Variants in UNC79 observed in about 807,000 individuals in gnomAD.
The protein encoded by UNC79 is unc-79 subunit of NALCN channel complex.
A neutral mutation model predicts 283.1 loss-of-function variants in UNC79; 37 were observed. The observed-to-expected ratio is 0.13, with a 90% confidence interval of 0.10 to 0.17. The LOEUF is 0.17. UNC79 is among the 10% of genes least tolerant of loss of function. The probability of loss-of-function intolerance (pLI) is 1.00; values close to 1 mark genes in which losing one functional copy is unlikely to be tolerated. For synonymous variants in UNC79, 1,107 were observed against 1,200.2 expected, an observed-to-expected ratio of 0.92 and a Z score of 1.61; for missense variants, 2,272 against 3,211.1, an observed-to-expected ratio of 0.71 and a Z score of 7.07.
chr14:93,382,450 T>C (rs1383722098), intron 1 of UNC79, among the ~76,000 whole-genome samples: 2 of 152,190 alleles, frequency 1.3e-5, no homozygotes, highest in Non-Finnish European at 2.9e-5. Flanking sequence ...TGTGTATATA[T>C]TCCAGAGGAA....
chr14:93,341,901 A>G (rs936310076), intron 1 of UNC79, among the ~76,000 whole-genome samples: 21 of 152,172 alleles, frequency 1.4e-4, no homozygotes, highest in Admixed American at 1.2e-3. Context: ...TGGGTTCCCA[A>G]GGCCTTGGGC....
chr14:93,365,206 T>C (rs2054303864), intron 1 of UNC79, among the ~76,000 whole-genome samples: 1 of 151,936 alleles, frequency 6.6e-6, no homozygotes, highest in African/African-American at 2.4e-5. Flanking sequence ...GCCAACATGG[T>C]GAAACCCTGT....
At chr14:93,348,194 A>G (rs2053908236) in intron 1 of UNC79, 4 of 880,528 alleles carry the variant, frequency 4.5e-6, no homozygotes, top group Non-Finnish European at 7.7e-6. Flanking sequence ...TTAACGAGCA[A>G]AATTGCCTAG....
chr14:93,378,415 G>A (rs565521209), intron 1 of UNC79, among the ~76,000 whole-genome samples: 1 of 152,300 alleles, frequency 6.6e-6, no homozygotes, highest in East Asian at 1.9e-4. Flanking sequence ...GAATGATACA[G>A]CCTTGTTAGT....
At chr14:93,516,011 T>G (rs1414276519) in intron 7 of UNC79, among the ~76,000 whole-genome samples, 1 of 152,142 alleles carries the variant, frequency 6.6e-6, no homozygotes, top group Admixed American at 6.5e-5. Context: ...GGAATCAATT[T>G]TAGTATATAG....
At chr14:93,697,459 A>G (rs1475591205) in intron 47 of UNC79, among the ~76,000 whole-genome samples, 1 of 152,152 alleles carries the variant, frequency 6.6e-6, no homozygotes, top group Non-Finnish European at 1.5e-5. Flanking sequence ...TTTTTATAAC[A>G]CACTGTCTGC....
Position 93,622,676 on chromosome 14 carries a change from C to G in UNC79, c.5443C>G (p.Pro1815Ala), listed in dbSNP as rs765027394. Residue 1815 changes from proline to alanine, a missense_variant, in exon 30 of 49, where the codon CCT (proline) becomes GCT (alanine). This residue lies in a region of UNC79 where 580 missense variants were observed against 632.2 expected (regional missense o/e 0.92). Transcript: ENST00000555664. The stretch of plus-strand genomic sequence containing the variant: ...TGCAGAATCTGATACAGAACAGAAT[C>G]CTGAAAGGAAGGTGGAAGAGGATGG... The G allele has an allele frequency of 9.9e-6, 16 of 1,613,976 alleles. No homozygotes were observed. In the Admixed American group the frequency reaches 2.5e-4, roughly 25 times the overall value.
At chr14:93,571,443 A>G (rs1189598191) in intron 14 of UNC79, among the ~76,000 whole-genome samples, 1 of 152,204 alleles carries the variant, frequency 6.6e-6, no homozygotes, top group Non-Finnish European at 1.5e-5. Flanking sequence ...ACTGTGTACT[A>G]CCGTATTTCC....
intron 3 of UNC79, among the ~76,000 whole-genome samples, chr14:93,476,780 G>A (rs569821642): frequency 1.3e-5 from 2 of 152,262 alleles, no homozygotes; most frequent in South Asian, 4.1e-4. Context: ...GCATTCTAAA[G>A]CTAAATAGTT....
chr14:93,507,245 C>T, intron 7 of UNC79, among the ~76,000 whole-genome samples: 1 of 152,074 alleles, frequency 6.6e-6, no homozygotes, highest in Non-Finnish European at 1.5e-5. Context: ...GCATTTATTT[C>T]TCTTGGGTAT....
At chr14:93,582,817 G>A (rs2063913322) in intron 20 of UNC79, among the ~76,000 whole-genome samples, 2 of 152,124 alleles carry the variant, frequency 1.3e-5, no homozygotes, top group African/African-American at 4.8e-5. Flanking sequence ...GGACGCAATG[G>A]GGGCAGTGAG....
At chr14:93,555,406 T>C (rs1322832105) in intron 14 of UNC79, among the ~76,000 whole-genome samples, 1 of 152,140 alleles carries the variant, frequency 6.6e-6, no homozygotes, top group Non-Finnish European at 1.5e-5. Context: ...TCTTCCTTTT[T>C]TTTAAATTAA....
At chr14:93,706,034 C>T (rs935910395) in intron 48 of UNC79, among the ~76,000 whole-genome samples, 5 of 152,204 alleles carry the variant, frequency 3.3e-5, no homozygotes, top group Non-Finnish European at 5.9e-5. Context: ...GTTTCTTGCA[C>T]TCTCAGCTTG....
intron 1 of UNC79, among the ~76,000 whole-genome samples, chr14:93,373,858 C>T (rs368522176): frequency 1.5e-4 from 23 of 152,236 alleles, no homozygotes; most frequent in South Asian, 1.5e-3. Context: ...AACTGCAACA[C>T]GATATTAGTA....
At chr14:93,612,396 A>G (rs2066377874) in intron 26 of UNC79, among the ~76,000 whole-genome samples, 1 of 152,216 alleles carries the variant, frequency 6.6e-6, no homozygotes, top group South Asian at 2.1e-4. Context: ...AACGTTTTGT[A>G]GTTATTCTTA....
At chr14:93,491,310 T>A (rs2058712536) in intron 5 of UNC79, among the ~76,000 whole-genome samples, 1 of 151,842 alleles carries the variant, frequency 6.6e-6, no homozygotes, top group African/African-American at 2.4e-5. Flanking sequence ...ATAATTAAAA[T>A]ATATATATGG....
At chr14:93,472,791 A>G (rs1219558336) in intron 2 of UNC79, among the ~76,000 whole-genome samples, 1 of 152,138 alleles carries the variant, frequency 6.6e-6, no homozygotes, top group Non-Finnish European at 1.5e-5. Context: ...TTTGATGCAC[A>G]TAGAGCAACT....
intron 5 of UNC79, among the ~76,000 whole-genome samples, chr14:93,496,099 GT>G (rs2059002201): frequency 6.6e-6 from 1 of 151,932 alleles, no homozygotes; most frequent in African/African-American, 2.4e-5. Context: ...TGTTGGGCTA[GT>G]TTTTTTTCTT....
At chr14:93,459,092 A>G (rs2056870975) in intron 1 of UNC79, among the ~76,000 whole-genome samples, 1 of 152,208 alleles carries the variant, frequency 6.6e-6, no homozygotes, top group Admixed American at 6.5e-5. Context: ...CCTGGGTTCA[A>G]GCAATTCTCC....
Sources: gnomAD v4.1 joint callset for allele counts (sites outside exome capture counted in the v4.1 genomes callset) on GRCh38, gnomAD v4.1.1 for gene constraint, gnomAD v4.1.1 regional missense constraint, MANE v1.5 for transcripts, NCBI Gene and HGNC (gene_info 2026-07-23, HGNC 2026-07-21) for gene names.